TACR3: variants seen among roughly 807,000 people sequenced by gnomAD.
TACR3 encodes the protein tachykinin receptor 3, also known as neuromedin-K receptor.
Under a neutral mutation model 35.0 loss-of-function variants are expected in TACR3, and 34 were observed. The observed-to-expected ratio is 0.97, with a 90% CI of 0.74 to 1.30. The LOEUF is 1.30. Ranked by LOEUF, TACR3 falls within the 50% of genes most tolerant of loss-of-function variation. The pLI is 0.00. For synonymous variants in TACR3, 233 were observed against 221.1 expected (o/e 1.05, Z -0.48); for missense variants, 558 against 591.7 (o/e 0.94, Z 0.59).
intron 1 of TACR3, among the ~76,000 whole-genome samples, chr4:103,691,503 A>G (rs1722400393): frequency 6.6e-6 from 1 of 152,134 alleles, no homozygotes. Flanking sequence ...TGATGATGAA[A>G]TTGTTCTGTG....
intron 1 of TACR3, among the ~76,000 whole-genome samples, chr4:103,666,291 G>T (rs1248197073): frequency 6.6e-6 from 1 of 152,070 alleles, no homozygotes; most frequent in African/African-American, 2.4e-5. Context: ...AAAATAAGTG[G>T]GGGCTTATTT....
intron 4 of TACR3, 107 bp downstream of exon 4, chr4:103,591,380 C>G (rs1578215733): frequency 1.5e-6 from 2 of 1,359,238 alleles, no homozygotes; most frequent in East Asian, 2.3e-5. Flanking sequence ...TTAAATTTTC[C>G]CTTCCTTCTG....
chr4:103,667,843 T>A (rs1725965623), intron 1 of TACR3, among the ~76,000 whole-genome samples: 1 of 151,884 alleles, frequency 6.6e-6, no homozygotes, highest in Non-Finnish European at 1.5e-5. Flanking sequence ...TTATTATTAT[T>A]TCCTTCTGAG....
chr4:103,708,148 G>C (rs546620928), intron 1 of TACR3, among the ~76,000 whole-genome samples: 2 of 152,324 alleles, frequency 1.3e-5, no homozygotes, highest in Non-Finnish European at 2.9e-5. Context: ...GCTTTGAAGA[G>C]AGTAGTGGTT....
chr4:103,617,232 G>A (rs2110301329), intron 3 of TACR3, among the ~76,000 whole-genome samples: 1 of 144,280 alleles, frequency 6.9e-6, no homozygotes, highest in South Asian at 2.2e-4. Flanking sequence ...AACATATTAA[G>A]GTATCTACAG....
At position 103,638,915 on chromosome 4, in the gene TACR3, G is replaced by A. The variant is rs1453153647; in HGVS notation, c.888+17279C>T. Among the ~76,000 whole-genome samples the A allele has an allele frequency of 2.0e-5, 3 of 152,252 alleles. No homozygotes were observed. In the East Asian group the frequency reaches 5.8e-4, roughly 29 times the overall value. ...ATACCATCTCACACCAGTTAGAATG[G>A]CGATCATTAAAAAGTCAGGAAACTA... On this transcript the variant is annotated intron_variant, in intron 3 of 4. Coordinates refer to ENST00000304883, the MANE Select transcript of TACR3 (RefSeq NM_001059.3).
At position 103,591,708 on chromosome 4, in the gene TACR3, G is replaced by T; in HGVS notation, c.889-25C>A. 2.5e-6 allele frequency: 4 copies of T among 1,585,596 alleles called. No individual in the cohort carries two copies. The South Asian group carries it at 3.4e-5, about 13-fold the overall frequency. On this transcript the variant is annotated intron_variant, in intron 3 of 4. Transcript: ENST00000304883. ...CCTATAAAGAAAAAAAGTCATTTTT[G>T]ACAAATATAATACTCATAATAGTTC...
intron 1 of TACR3, among the ~76,000 whole-genome samples, chr4:103,674,713 G>C (rs969735432): frequency 6.6e-5 from 10 of 152,076 alleles, no homozygotes; most frequent in Non-Finnish European, 1.3e-4. Context: ...CTCCACGCCT[G>C]GCTAATTTTT....
chr4:103,714,398 T>C (rs995811900), intron 1 of TACR3, among the ~76,000 whole-genome samples: 4 of 152,154 alleles, frequency 2.6e-5, no homozygotes, highest in African/African-American at 9.6e-5. Flanking sequence ...ATTGGCACTA[T>C]AATTTTAACT....
intron 1 of TACR3, 134 bp downstream of exon 1, chr4:103,718,994 C>G: frequency 7.6e-7 from 1 of 1,323,782 alleles, no homozygotes; most frequent in Non-Finnish European, 1.0e-6. Context: ...TAGTGTCCTC[C>G]TTTCAGCAAA....
chr4:103,656,839 CT>C (rs1725742710), intron 2 of TACR3, among the ~76,000 whole-genome samples: 1 of 152,026 alleles, frequency 6.6e-6, no homozygotes, highest in Admixed American at 6.6e-5. Context: ...AGTAGATACT[CT>C]GAGCCATAAT....
intron 1 of TACR3, among the ~76,000 whole-genome samples, chr4:103,707,028 T>G (rs1382987397): frequency 6.6e-6 from 1 of 152,246 alleles, no homozygotes; most frequent in Non-Finnish European, 1.5e-5. Flanking sequence ...GTTTAGTACC[T>G]GAAAATGTCG....
At chr4:103,717,244 G>C (rs1479237854) in intron 1 of TACR3, among the ~76,000 whole-genome samples, 2 of 151,706 alleles carry the variant, frequency 1.3e-5, no homozygotes, top group Non-Finnish European at 2.9e-5. Context: ...TTAATCAACT[G>C]TCTGCTCAAA....
chr4:103,616,302 A>T (rs908953151), intron 3 of TACR3, among the ~76,000 whole-genome samples: 1 of 151,136 alleles, frequency 6.6e-6, no homozygotes, highest in Non-Finnish European at 1.5e-5. Flanking sequence ...ACATACGTGT[A>T]TGTGTGTGTG....
chr4:103,701,170 C>G (rs1722640933), intron 1 of TACR3, among the ~76,000 whole-genome samples: 1 of 149,760 alleles, frequency 6.7e-6, no homozygotes, highest in South Asian at 2.1e-4. Context: ...AGCCCAAAAT[C>G]TCCTCAAGCT....
chr4:103,697,607 G>A (rs1178130797), intron 1 of TACR3, among the ~76,000 whole-genome samples: 2 of 151,776 alleles, frequency 1.3e-5, no homozygotes, highest in Non-Finnish European at 2.9e-5. Context: ...TGTATTTTTA[G>A]TAGAGATGGG....
At chr4:103,626,991 A>G (rs1345180926) in intron 3 of TACR3, among the ~76,000 whole-genome samples, 2 of 150,272 alleles carry the variant, frequency 1.3e-5, no homozygotes, top group Non-Finnish European at 3.0e-5. Context: ...TGGCCAACAT[A>G]GCAAAACCCC....
chr4:103,675,009 A>G (rs1156451395), intron 1 of TACR3, among the ~76,000 whole-genome samples: 3 of 152,220 alleles, frequency 2.0e-5, no homozygotes, highest in African/African-American at 7.2e-5. Flanking sequence ...TACTTATATA[A>G]AAATATAGGT....
chr4:103,632,580 T>C (rs1208042715), intron 3 of TACR3, among the ~76,000 whole-genome samples: 1 of 150,424 alleles, frequency 6.6e-6, no homozygotes, highest in African/African-American at 2.4e-5. Flanking sequence ...GATGGGTCAA[T>C]AGGTGCAGCA....
Sources: gnomAD v4.1 joint callset for allele counts (sites outside exome capture counted in the v4.1 genomes callset) on GRCh38, gnomAD v4.1.1 for gene constraint, MANE v1.5 for transcripts, NCBI Gene and HGNC (gene_info 2026-07-23, HGNC 2026-07-21) for gene names.